Variants in JAK1 observed in about 807,000 individuals in gnomAD.
JAK1 encodes the protein Janus kinase 1.
Under a neutral mutation model 136.6 loss-of-function variants are expected in JAK1, and 16 were observed. The ratio of observed to expected loss-of-function variants is 0.12; its 90% confidence interval spans 0.08 to 0.18. JAK1 has a LOEUF of 0.18. Among genes scored for constraint, JAK1 ranks in the 10% least tolerant of loss-of-function variants. JAK1 has a pLI of 1.00. For synonymous variants in JAK1, 492 were observed against 519.5 expected (o/e 0.95, Z 0.72); for missense variants, 859 against 1,450.1 (o/e 0.59, Z 6.62).
chr1:65,055,998 C>A (rs1341315912), intron 1 of JAK1, among the ~76,000 whole-genome samples: 1 of 152,140 alleles, frequency 6.6e-6, no homozygotes. Flanking sequence ...AAATCTTCAC[C>A]AAGGCCAATG....
intron 1 of JAK1, among the ~76,000 whole-genome samples, chr1:64,932,905 T>C (rs1645723647): frequency 6.6e-6 from 1 of 151,528 alleles, no homozygotes; most frequent in South Asian, 2.1e-4. Flanking sequence ...ATTAAGAAAA[T>C]TACCACAAAT....
chr1:64,834,419 G>A lies in JAK1; in HGVS notation c.*143C>T. On this transcript the variant is annotated 3_prime_UTR_variant, in exon 25 of 25. Transcript: ENST00000342505. ...AAGCACTACAGTGTGCCTTATACAT[G>A]TATATGTACTGAAGTATGAGTTCAG... 1 of 613,598 alleles carries A rather than the reference G, an allele frequency of 1.6e-6. No individual in the cohort carries two copies. The highest frequency in any genetic ancestry group is 2.0e-5 in the South Asian group (1 of 49,790). 38.0% of individuals were successfully genotyped at this position (613,598 alleles called of 1,614,324 possible). A position where few individuals can be genotyped will look rare whatever the true frequency, so the allele number is the denominator to read the frequency against.
At chr1:64,908,883 G>A (rs1274048587) in intron 1 of JAK1, among the ~76,000 whole-genome samples, 1 of 152,080 alleles carries the variant, frequency 6.6e-6, no homozygotes, top group Admixed American at 6.6e-5. Flanking sequence ...TAAATTCCCA[G>A]GCCAGGTCCC....
At chr1:64,910,632 G>A (rs766112844) in intron 1 of JAK1, among the ~76,000 whole-genome samples, 1 of 152,042 alleles carries the variant, frequency 6.6e-6, no homozygotes, top group Non-Finnish European at 1.5e-5. Flanking sequence ...TCAGGAGTTC[G>A]TGACCAGCCT....
intron 1 of JAK1, among the ~76,000 whole-genome samples, chr1:64,889,063 T>C (rs545127991): frequency 6.6e-6 from 1 of 152,346 alleles, no homozygotes; most frequent in South Asian, 2.1e-4. Context: ...AGCATTTGTG[T>C]AATGGCTTCA....
chr1:64,900,679 G>A (rs761270877), intron 1 of JAK1, among the ~76,000 whole-genome samples: 5 of 152,148 alleles, frequency 3.3e-5, no homozygotes, highest in African/African-American at 4.8e-5. Context: ...CTTCATTCTC[G>A]TCCGCTTCTA....
intron 1 of JAK1, among the ~76,000 whole-genome samples, chr1:64,926,494 A>G (rs529869653): frequency 5.3e-5 from 8 of 151,608 alleles, no homozygotes; most frequent in Admixed American, 5.3e-4. Flanking sequence ...TACATTAACG[A>G]TTATCAGTAT....
chr1:65,067,680 C>T, exon 1 of JAK1: 1 of 150,400 alleles, frequency 6.6e-6, no homozygotes, highest in South Asian at 1.9e-4. Context: ...AATGACGCAG[C>T]AAGGCTCGCC....
intron 5 of JAK1, among the ~76,000 whole-genome samples, chr1:64,870,168 T>C (rs1656990399): frequency 6.6e-6 from 1 of 152,188 alleles, no homozygotes; most frequent in Non-Finnish European, 1.5e-5. Context: ...GATTAAACCC[T>C]GCCTCAGTGC....
intron 1 of JAK1, among the ~76,000 whole-genome samples, chr1:64,939,611 G>A (rs1162980917): frequency 6.6e-6 from 1 of 152,132 alleles, no homozygotes; most frequent in East Asian, 1.9e-4. Flanking sequence ...GTTGTTCAAG[G>A]ATTAAATTAG....
chr1:64,851,568 A>AT (rs1403060203), intron 11 of JAK1, among the ~76,000 whole-genome samples: 1 of 152,224 alleles, frequency 6.6e-6, no homozygotes, highest in African/African-American at 2.4e-5. Context: ...TGCCCCCTCA[A>AT]TATGCAGGTT....
chr1:65,061,520 C>T (rs967981315), intron 1 of JAK1, among the ~76,000 whole-genome samples: 5 of 152,248 alleles, frequency 3.3e-5, no homozygotes, highest in African/African-American at 1.2e-4. Context: ...TAACTGAAGG[C>T]ACCGTAAGTT....
At chr1:64,978,394 T>C (rs1646515111) in intron 2 of JAK1, among the ~76,000 whole-genome samples, 2 of 152,202 alleles carry the variant, frequency 1.3e-5, no homozygotes, top group African/African-American at 4.8e-5. Flanking sequence ...AAGATAAACA[T>C]TAGTTTATTA....
At chr1:64,926,685 G>A (rs193076307) in intron 1 of JAK1, among the ~76,000 whole-genome samples, 1 of 152,164 alleles carries the variant, frequency 6.6e-6, no homozygotes, top group East Asian at 1.9e-4. Context: ...TACTGATGAC[G>A]AAACTGAGGT....
chr1:64,939,428 T>C (rs1012697609), intron 1 of JAK1, among the ~76,000 whole-genome samples: 1 of 152,240 alleles, frequency 6.6e-6, no homozygotes, highest in South Asian at 2.1e-4. Context: ...TTTCACAGTT[T>C]GCAGAAGTTT....
intron 13 of JAK1, chr1:64,846,979 G>A (rs1246593653): frequency 1.9e-6 from 1 of 537,498 alleles, no homozygotes; most frequent in Non-Finnish European, 3.3e-6. Context: ...AGCAGGGCTG[G>A]TGGGAGAAGC....
chr1:65,000,147 T>C (rs774034409), intron 2 of JAK1, among the ~76,000 whole-genome samples: 6 of 151,880 alleles, frequency 4.0e-5, no homozygotes, highest in Non-Finnish European at 8.8e-5. Context: ...TGTGTCACCA[T>C]GCCCAGCTAA....
chr1:64,839,441 G>T, intron 20 of JAK1, 162 bp downstream of exon 20: 1 of 595,546 alleles, frequency 1.7e-6, no homozygotes. Context: ...CAGCTGCTGA[G>T]GGATTTGACA....
At chr1:64,948,192 T>C (rs1176654629) in intron 1 of JAK1, among the ~76,000 whole-genome samples, 1 of 152,230 alleles carries the variant, frequency 6.6e-6, no homozygotes, top group Non-Finnish European at 1.5e-5. Context: ...TTAAATTTAT[T>C]AAATCCAAAT....
Sources: gnomAD v4.1 joint callset for allele counts (sites outside exome capture counted in the v4.1 genomes callset) on GRCh38, gnomAD v4.1.1 for gene constraint, MANE v1.5 for transcripts, NCBI Gene and HGNC (gene_info 2026-07-23, HGNC 2026-07-21) for gene names.